Variants in PCDH7 observed in about 807,000 individuals in gnomAD.
PCDH7 encodes protocadherin-7.
In PCDH7, 17 loss-of-function variants were observed where a neutral mutation model predicts 58.9. That is an observed-to-expected ratio of 0.29 (90% CI 0.20 to 0.43). The LOEUF is 0.43. PCDH7 is among the 20% of genes least tolerant of loss of function. PCDH7 has a pLI of 1.00. For synonymous variants in PCDH7, 664 were observed against 616.4 expected (o/e 1.08, Z -1.14); for missense variants, 1,274 against 1,441.0 (o/e 0.88, Z 1.88).
rs1713854280 is a variant in PCDH7, at chr4:30,722,641, G to A, written c.1219G>A (p.Asp407Asn). The change falls in exon 1 of 2, where the codon GAC becomes AAC. Residue 407 changes from aspartate (D) to asparagine (N), a missense_variant. By Grantham distance (23) the Asp-to-Asn change is conservative. Coordinates refer to ENST00000361762, the Ensembl canonical transcript of PCDH7. This position sits in a 1 kb window ranked among gnomAD's most constrained non-coding sequence, Gnocchi z 7.6. ...GGCCACCGTGGTCCTTAACATCAAAGACGAGAACGACAACGTGCCGTCCAT... is the reference window on the plus strand; with the variant it reads ...GGCCACCGTGGTCCTTAACATCAAAAACGAGAACGACAACGTGCCGTCCAT... 6.2e-7 allele frequency: 1 copy of A among 1,613,380 alleles called. No individual in the cohort carries two copies. Among genetic ancestry groups the A allele is most frequent in the Non-Finnish European group, 8.5e-7 (1 of 1,180,046 alleles).
intron 1 of PCDH7, among the ~76,000 whole-genome samples, chr4:30,779,444 CAA>C (rs1319904009): frequency 1.3e-5 from 2 of 152,086 alleles, no homozygotes; most frequent in Non-Finnish European, 2.9e-5. Context: ...TTAGTGTTTA[CAA>C]AAAGTCTTTC....
intron 2 of PCDH7, among the ~76,000 whole-genome samples, chr4:30,949,193 T>A (rs1747071895): frequency 6.6e-6 from 1 of 152,156 alleles, no homozygotes; most frequent in South Asian, 2.1e-4. Context: ...AAAATACACA[T>A]CTATTTTTGC....
rs151295917 is a variant in PCDH7 at position 30,839,734 on chromosome 4, C to T, written c.71-80419C>T. On this transcript the variant is annotated intron_variant, in intron 1 of 3. Coordinates refer to the PCDH7 transcript ENST00000509759. ...GTAATAAAATCAAAGGATCCTGGAG[C>T]AGTATTGTACTAAAAGCCATCTGCT... Among the ~76,000 whole-genome samples the T allele has an allele frequency of 5.3e-3, 801 of 152,174 alleles. 12 individuals are homozygous for T. The highest frequency in any genetic ancestry group is 0.018 in the African/African-American group (749 of 41,556).
intron 3 of PCDH7, among the ~76,000 whole-genome samples, chr4:31,054,022 T>C (rs1578667501): frequency 1.3e-5 from 2 of 152,122 alleles, no homozygotes; most frequent in African/African-American, 4.8e-5. Flanking sequence ...TACTGTGCCA[T>C]AGTCACAATC....
Position 31,081,560 on chromosome 4 carries a change from G to A in PCDH7, c.*8-60913G>A, listed in dbSNP as rs147328994. ...TGCCTCTACAATGATTCACATTTCTGTGTCTTTCAATATTGCAACATTATT... is the reference window on the plus strand; with the variant it reads ...TGCCTCTACAATGATTCACATTTCTATGTCTTTCAATATTGCAACATTATT... On this transcript the variant is annotated intron_variant, in intron 3 of 3. Coordinates refer to the PCDH7 transcript ENST00000509759. 4.5e-3 allele frequency among the ~76,000 whole-genome samples: 680 copies of A among 152,130 alleles called. 3 individuals are homozygous for A. Among genetic ancestry groups the A allele is most frequent in the African/African-American group, 0.015 (642 of 41,504 alleles).
Position 30,968,375 on chromosome 4 carries a change from AC to A in PCDH7, c.*7+18161del, listed in dbSNP as rs1560541530. ...ATACACACACTATATATATACACAC[AC>A]TATATATATATATATATATATATAT... On this transcript the variant is annotated intron_variant, in intron 3 of 3. Coordinates refer to the PCDH7 transcript ENST00000509759. 2.2e-3 allele frequency among the ~76,000 whole-genome samples: 156 copies of A among 71,714 alleles called. 3 individuals are homozygous for A. The highest frequency in any genetic ancestry group is 8.3e-3 in the African/African-American group (150 of 18,150). 47.0% of individuals were successfully genotyped at this position (71,714 alleles called of 152,430 possible). A position where few individuals can be genotyped will look rare whatever the true frequency, so the allele number is the denominator to read the frequency against.
chr4:30,955,294 T>C (rs1340357675), intron 3 of PCDH7, among the ~76,000 whole-genome samples: 2 of 151,904 alleles, frequency 1.3e-5, no homozygotes, highest in Non-Finnish European at 2.9e-5. Context: ...TTGTGCTTCT[T>C]AGCAGCAGAT....
At chr4:31,011,445 G>A (rs1311052098) in intron 3 of PCDH7, among the ~76,000 whole-genome samples, 1 of 151,914 alleles carries the variant, frequency 6.6e-6, no homozygotes, top group African/African-American at 2.4e-5. Flanking sequence ...TGAATTACAA[G>A]CTAATAATGG....
intron 1 of PCDH7, among the ~76,000 whole-genome samples, chr4:30,755,209 T>G (rs1222137537): frequency 6.6e-6 from 1 of 152,158 alleles, no homozygotes; most frequent in East Asian, 1.9e-4. Flanking sequence ...AAAACTTACA[T>G]GTGCTTGATC....
At position 31,074,046 on chromosome 4, in the gene PCDH7, G is replaced by A. The variant is rs558705576; in HGVS notation, c.*8-68427G>A. 4.0e-5 allele frequency among the ~76,000 whole-genome samples: 6 copies of A among 151,620 alleles called. No homozygotes were observed. The South Asian group carries it at 6.3e-4, about 16-fold the overall frequency. On this transcript the variant is annotated intron_variant, in intron 3 of 3. Coordinates refer to the PCDH7 transcript ENST00000509759. ...CTTCCTCTTCCTACTATCCATGCTCGTCTTCCCCAAGATTCACATGGTTGT... is the reference window on the plus strand; with the variant it reads ...CTTCCTCTTCCTACTATCCATGCTCATCTTCCCCAAGATTCACATGGTTGT...
intron 1 of PCDH7, among the ~76,000 whole-genome samples, chr4:30,784,987 A>T (rs932155566): frequency 6.6e-6 from 1 of 152,076 alleles, no homozygotes; most frequent in Non-Finnish European, 1.5e-5. Flanking sequence ...ATTTCCAAAT[A>T]TGCATGTATT....
intron 1 of PCDH7, among the ~76,000 whole-genome samples, chr4:30,813,598 G>C (rs1577906053): frequency 6.6e-6 from 1 of 152,130 alleles, no homozygotes; most frequent in African/African-American, 2.4e-5. Flanking sequence ...TGTCAGTGAA[G>C]GTTGCTTCAA....
intron 3 of PCDH7, among the ~76,000 whole-genome samples, chr4:31,134,370 G>T (rs1719339937): frequency 6.6e-6 from 1 of 152,124 alleles, no homozygotes; most frequent in South Asian, 2.1e-4. Context: ...TGAGGCAGGA[G>T]AACTGCTAGA....
intron 3 of PCDH7, among the ~76,000 whole-genome samples, chr4:31,102,224 A>T (rs1409601807): frequency 6.6e-6 from 1 of 151,876 alleles, no homozygotes; most frequent in Non-Finnish European, 1.5e-5. Context: ...ACTCCAAATG[A>T]TAGCCTAAAT....
intron 1 of PCDH7, among the ~76,000 whole-genome samples, chr4:30,915,726 G>A (rs1277006678): frequency 6.6e-6 from 1 of 152,096 alleles, no homozygotes; most frequent in Admixed American, 6.5e-5. Context: ...GTTTCACCAT[G>A]TTGGCCAGGA....
At chr4:30,863,694 A>C (rs755826335) in intron 1 of PCDH7, among the ~76,000 whole-genome samples, 11 of 152,066 alleles carry the variant, frequency 7.2e-5, no homozygotes, top group Non-Finnish European at 1.6e-4. Context: ...CCATATACTC[A>C]TTGGTGAGGT....
Position 30,723,790 on chromosome 4 carries a change from A to T in PCDH7, c.2368A>T (p.Lys790Ter), listed in dbSNP as rs1714174344. 1 of 1,614,158 alleles carries T rather than the reference A, an allele frequency of 6.2e-7. No homozygotes were observed. The highest frequency in any genetic ancestry group is 8.5e-7 in the Non-Finnish European group (1 of 1,180,036). Residue 790 changes from lysine to a stop codon, truncating the protein, a stop_gained, in exon 1 of 2, where the codon AAG (lysine) becomes TAG (stop). Transcript: ENST00000361762. LOFTEE classifies it high-confidence loss of function. The surrounding 1 kb of genome is among the most constrained non-coding windows in gnomAD (Gnocchi z 4.6). ...CAGCATTGTGGGAGGAAATCCCTTCAAGCTGTTTGAAATTGATCCCACTAG... is the reference window on the plus strand; with the variant it reads ...CAGCATTGTGGGAGGAAATCCCTTCTAGCTGTTTGAAATTGATCCCACTAG...
intron 1 of PCDH7, among the ~76,000 whole-genome samples, chr4:30,774,124 G>C (rs922889841): frequency 2.6e-5 from 4 of 152,014 alleles, no homozygotes; most frequent in Admixed American, 6.6e-5. Flanking sequence ...ACTTTTCTCT[G>C]ACCTCTAGAG....
intron 1 of PCDH7, among the ~76,000 whole-genome samples, chr4:30,800,380 A>G (rs1725380824): frequency 6.6e-6 from 1 of 152,140 alleles, no homozygotes; most frequent in African/African-American, 2.4e-5. Flanking sequence ...TTTCACATAT[A>G]TATATTTATT....
Sources: allele counts gnomAD v4.1 joint callset (sites outside exome capture counted in the v4.1 genomes callset), GRCh38; gene constraint gnomAD v4.1.1; non-coding constraint Gnocchi (gnomAD v3.1); transcripts MANE v1.5; gene names NCBI Gene and HGNC (gene_info 2026-07-23, HGNC 2026-07-21).